The following PCDHGA5 variants were observed in gnomAD, a reference collection of about 807,000 sequenced individuals.
PCDHGA5 encodes protocadherin gamma-A5.
A neutral mutation model predicts 56.7 loss-of-function variants in PCDHGA5; 36 were observed. The observed-to-expected ratio is 0.64, with a 90% CI of 0.49 to 0.84. The LOEUF (loss-of-function observed/expected upper bound fraction) is 0.84, where lower values mean the gene tolerates loss of function less well. Among genes scored for constraint, PCDHGA5 ranks in the 40% least tolerant of loss-of-function variants. The probability of loss-of-function intolerance (pLI) is 0.00; values close to 1 mark genes in which losing one functional copy is unlikely to be tolerated. For synonymous variants in PCDHGA5, 563 were observed against 520.2 expected, an observed-to-expected ratio of 1.08 and a Z score of -1.12; for missense variants, 1,305 against 1,201.5, an observed-to-expected ratio of 1.09 and a Z score of -1.27.
intron 1 of PCDHGA5, among the ~76,000 whole-genome samples, chr5:141,370,096 C>T (rs1385394099): frequency 6.6e-6 from 1 of 152,154 alleles, no homozygotes; most frequent in Non-Finnish European, 1.5e-5. Context: ...CAGTACACTG[C>T]CGATTTTTCT....
chr5:141,385,325 T>C (rs1781126490), intron 1 of PCDHGA5: 2 of 1,606,594 alleles, frequency 1.2e-6, no homozygotes, highest in Admixed American at 3.4e-5. Flanking sequence ...AGTATTCAGG[T>C]GAGCCCAGCC....
intron 1 of PCDHGA5, chr5:141,391,966 T>A (rs1389260854): frequency 1.3e-5 from 2 of 152,162 alleles, no homozygotes; most frequent in African/African-American, 2.4e-5. Context: ...ACAATGTAAA[T>A]AAAATAGCAA....
At chr5:141,453,544 C>T (rs540372287) in intron 1 of PCDHGA5, among the ~76,000 whole-genome samples, 12 of 152,310 alleles carry the variant, frequency 7.9e-5, no homozygotes, top group African/African-American at 2.9e-4. Flanking sequence ...ATTCACACCA[C>T]ACTCTGTAGA....
chr5:141,459,090 A>G (rs769066156), intron 1 of PCDHGA5, among the ~76,000 whole-genome samples: 4 of 152,218 alleles, frequency 2.6e-5, no homozygotes, highest in Non-Finnish European at 4.4e-5. Flanking sequence ...TTAAAATTAT[A>G]CAGTGCAATG....
intron 1 of PCDHGA5, among the ~76,000 whole-genome samples, chr5:141,450,782 C>G (rs1012152203): frequency 6.6e-6 from 1 of 151,236 alleles, no homozygotes; most frequent in Non-Finnish European, 1.5e-5. Context: ...CCACCGTGCC[C>G]GGACCTCATG....
intron 1 of PCDHGA5, chr5:141,430,691 G>A (rs1479214920): frequency 7.1e-7 from 1 of 1,416,592 alleles, no homozygotes; most frequent in Non-Finnish European, 9.4e-7. Context: ...CCATTCTATG[G>A]GCGAAGGAAC....
chr5:141,400,190 T>G (rs914854634), intron 1 of PCDHGA5: 1 of 1,613,898 alleles, frequency 6.2e-7, no homozygotes, highest in Non-Finnish European at 8.5e-7. Context: ...CAGTTTTACC[T>G]AGTGGTGGCC....
intron 1 of PCDHGA5, chr5:141,395,039 T>A: frequency 6.2e-7 from 1 of 1,614,020 alleles, no homozygotes; most frequent in Non-Finnish European, 8.5e-7. Context: ...ATTTTGTGGG[T>A]GTTGAGGAGG....
intron 1 of PCDHGA5, chr5:141,423,606 GAT>G: frequency 6.2e-7 from 1 of 1,612,164 alleles, no homozygotes; most frequent in African/African-American, 1.3e-5. Flanking sequence ...AGCCACTCTT[GAT>G]AGCTGAAGAC....
intron 1 of PCDHGA5, chr5:141,382,794 C>T (rs764593779): frequency 9.0e-5 from 88 of 974,042 alleles, no homozygotes; most frequent in Admixed American, 2.4e-5. Context: ...CTCTATCCTG[C>T]TGGATTCTGA....
chr5:141,372,648 T>C, intron 1 of PCDHGA5: 1 of 1,614,024 alleles, frequency 6.2e-7, no homozygotes, highest in Non-Finnish European at 8.5e-7. Flanking sequence ...GCCTTATTCC[T>C]ACAATCCGTG....
intron 1 of PCDHGA5, chr5:141,409,079 T>C (rs2095221320): frequency 2.5e-6 from 4 of 1,613,908 alleles, no homozygotes; most frequent in Non-Finnish European, 3.4e-6. Context: ...ACATATGTTC[T>C]CATTGGATGA....
In PCDHGA5 at chr5:141,370,450, T is replaced by A. The variant is rs1472088781; in HGVS notation, c.2421+3699T>A. On this transcript the variant is annotated intron_variant, in intron 1 of 3. Transcript: ENST00000518069. The stretch of plus-strand genomic sequence containing the variant: ...GCAGGGCAGAGGCGAATGCTATTTC[T>A]CTTCCTGCTCTCTTTGTTAGACCAG... 2.5e-6 allele frequency: 4 copies of A among 1,609,450 alleles called. No homozygotes were observed. The African/African-American group carries it at 5.4e-5, about 22-fold the overall frequency.
At chr5:141,371,264 A>G (rs753938620) in intron 1 of PCDHGA5, 27 of 1,614,064 alleles carry the variant, frequency 1.7e-5, no homozygotes, top group Non-Finnish European at 2.0e-5. Flanking sequence ...AAGTGAGACA[A>G]CTGTTCAAGC....
At chr5:141,436,707 T>C (rs985035872) in intron 1 of PCDHGA5, among the ~76,000 whole-genome samples, 18 of 152,208 alleles carry the variant, frequency 1.2e-4, no homozygotes, top group African/African-American at 4.3e-4. Context: ...GCACACTCGA[T>C]GTTCTGTTGG....
At chr5:141,455,438 C>G (rs1350941007) in intron 1 of PCDHGA5, among the ~76,000 whole-genome samples, 1 of 152,082 alleles carries the variant, frequency 6.6e-6, no homozygotes, top group Non-Finnish European at 1.5e-5. Context: ...GAGGAGGTCC[C>G]CATCTACCGC....
At chr5:141,502,234 C>T (rs1482411915) in intron 2 of PCDHGA5, among the ~76,000 whole-genome samples, 1 of 152,108 alleles carries the variant, frequency 6.6e-6, no homozygotes, top group Non-Finnish European at 1.5e-5. Flanking sequence ...TCTGTGTGTT[C>T]TTTTATCCTT....
chr5:141,441,852 G>T (rs1169073404), intron 1 of PCDHGA5: 2 of 352,708 alleles, frequency 5.7e-6, no homozygotes, highest in African/African-American at 2.2e-5. Flanking sequence ...TGGATATGGT[G>T]CTGCACGCCG....
intron 1 of PCDHGA5, among the ~76,000 whole-genome samples, chr5:141,407,049 C>T (rs1483952329): frequency 6.6e-6 from 1 of 152,162 alleles, no homozygotes. Context: ...TCCATAGATA[C>T]ACTGATGACT....
Sources: gnomAD v4.1 joint callset for allele counts (sites outside exome capture counted in the v4.1 genomes callset) on GRCh38, gnomAD v4.1.1 for gene constraint, MANE v1.5 for transcripts, NCBI Gene and HGNC (gene_info 2026-07-23, HGNC 2026-07-21) for gene names.